The following SEMA3E variants were observed in gnomAD, a reference collection of about 807,000 sequenced individuals.
SEMA3E encodes the protein semaphorin-3E.
A neutral mutation model predicts 93.6 loss-of-function variants in SEMA3E; 49 were observed. The observed-to-expected ratio is 0.52, with a 90% CI of 0.42 to 0.66. SEMA3E has a LOEUF of 0.66. SEMA3E is among the 30% of genes least tolerant of loss of function. SEMA3E has a pLI of 0.00. For missense variants in SEMA3E, 906 were observed against 964.8 expected (o/e 0.94, Z 0.81); for synonymous variants, 363 against 330.7 (o/e 1.10, Z -1.06).
Position 83,408,379 on chromosome 7 carries a change from C to G in SEMA3E, c.659G>C (p.Arg220Pro). ...TTCCTCATCCTTACCTTTCAACAGA[C>G]GCTCATCGTCATGCTCAGTGCGGAT... is the stretch of plus-strand genomic sequence containing the variant. Reference protein sequence around the residue: ...AHIRTEHDDERLLKEPKFVGS... With the variant: ...AHIRTEHDDEPLLKEPKFVGS... The change falls in exon 6 of 17, where the codon CGT becomes CCT. Residue 220 changes from arginine to proline, a missense_variant. Coordinates refer to ENST00000643230, the MANE Select transcript of SEMA3E (RefSeq NM_012431.3). The G allele has an allele frequency of 6.2e-7, 1 of 1,613,810 alleles. No individual in the cohort carries two copies. The highest frequency in any genetic ancestry group is 1.1e-5 in the South Asian group (1 of 91,078).
rs575712751 is a variant in SEMA3E, at chr7:83,396,685, T to C, written c.1411A>G (p.Met471Val). ...AGAATTACTTCTTCCATTGATTCCA[T>C]TTCTTGGTTGTAAATTGTGATTACT... ...LKVITIYNQE[M>V]ESMEEVILEE... is the part of the protein sequence containing the mutation. The change falls in exon 12 of 17, where the codon ATG becomes GTG. Residue 471 changes from methionine (M) to valine (V), a missense_variant. Physicochemically the swap from Met to Val is conservative, Grantham distance 21. Coordinates refer to ENST00000643230, the MANE Select transcript of SEMA3E (RefSeq NM_012431.3). 2 of 1,609,132 alleles carry C rather than the reference T, an allele frequency of 1.2e-6. No homozygotes were observed. Among genetic ancestry groups the C allele is most frequent in the Admixed American group, 3.3e-5 (2 of 59,874 alleles).
intron 1 of SEMA3E, among the ~76,000 whole-genome samples, chr7:83,519,405 T>A (rs1237197171): frequency 6.6e-6 from 1 of 152,184 alleles, no homozygotes; most frequent in East Asian, 1.9e-4. Context: ...TACATTGTTT[T>A]AGCATGACTC....
At chr7:83,440,075 TG>T (rs771264845) in intron 4 of SEMA3E, among the ~76,000 whole-genome samples, 2 of 152,184 alleles carry the variant, frequency 1.3e-5, no homozygotes, top group African/African-American at 4.8e-5. Flanking sequence ...AGATACAAAA[TG>T]TTTTTTTTCT....
At chr7:83,394,361 A>C in intron 12 of SEMA3E, 23 bp from the exon 13 acceptor site, 1 of 1,592,024 alleles carries the variant, frequency 6.3e-7, no homozygotes, top group Non-Finnish European at 8.6e-7. Context: ...AAAAGTTTTC[A>C]TTTTTAAGAA....
chr7:83,499,619 G>A (rs1287268789), intron 1 of SEMA3E, among the ~76,000 whole-genome samples: 1 of 152,058 alleles, frequency 6.6e-6, no homozygotes, highest in Non-Finnish European at 1.5e-5. Flanking sequence ...GAGAGATGAA[G>A]GAAACTGGGC....
chr7:83,545,565 A>AAAAAG (rs1562827000), intron 1 of SEMA3E, among the ~76,000 whole-genome samples: 3 of 106,788 alleles, frequency 2.8e-5, no homozygotes, highest in Admixed American at 9.8e-5. Flanking sequence ...AAAAAAAAAA[A>AAAAAG]AAAAGAAATA....
intron 1 of SEMA3E, among the ~76,000 whole-genome samples, chr7:83,543,628 T>G (rs1278236082): frequency 6.6e-6 from 1 of 152,080 alleles, no homozygotes; most frequent in South Asian, 2.1e-4. Context: ...CTAAGACAGC[T>G]CTATTGTAAC....
chr7:83,459,830 C>T (rs975053876), intron 4 of SEMA3E, among the ~76,000 whole-genome samples: 5 of 152,134 alleles, frequency 3.3e-5, no homozygotes, highest in African/African-American at 9.7e-5. Flanking sequence ...ATGGCTGGTC[C>T]TTGCCTTAAG....
chr7:83,570,777 A>C (rs1456226885), intron 1 of SEMA3E, among the ~76,000 whole-genome samples: 3 of 150,936 alleles, frequency 2.0e-5, no homozygotes, highest in African/African-American at 7.4e-5. Flanking sequence ...GAAAGAATTA[A>C]CAATATTGAT....
At position 83,367,570 on chromosome 7, in the gene SEMA3E, A is replaced by G; in HGVS notation, c.*16T>C. ...AAATATAAATTCTTCAAAAGACAGT[A>G]GATAGTCTCACCCCATCAGGAGTCC... is the stretch of plus-strand genomic sequence containing the variant. On this transcript the variant is annotated 3_prime_UTR_variant, in exon 17 of 17. Transcript: ENST00000643230. 1 of 1,611,750 alleles carries G rather than the reference A, an allele frequency of 6.2e-7. No individual in the cohort carries two copies. Among genetic ancestry groups the G allele is most frequent in the Non-Finnish European group, 8.5e-7 (1 of 1,177,896 alleles).
intron 1 of SEMA3E, among the ~76,000 whole-genome samples, chr7:83,587,432 T>C (rs1792653704): frequency 6.6e-6 from 1 of 152,110 alleles, no homozygotes. Flanking sequence ...TTGCAAAGCA[T>C]AAAAAAAGTT....
Position 83,484,843 on chromosome 7 carries a change from ATAT to A in SEMA3E, c.276+5268_276+5270del, listed in dbSNP as rs531182643. On this transcript the variant is annotated intron_variant, in intron 2 of 16. Coordinates refer to ENST00000643230, the MANE Select transcript of SEMA3E (RefSeq NM_012431.3). ...ATAAAGCTAAGAATAATTAAAAATA[ATAT>A]TATAGTTGCTAAGATAGAGAGGTAT... Among the ~76,000 whole-genome samples, 249 of 152,300 alleles carry A rather than the reference ATAT, an allele frequency of 1.6e-3. 2 individuals carry two copies. The highest frequency in any genetic ancestry group is 5.7e-3 in the African/African-American group (235 of 41,562).
At chr7:83,578,791 A>G (rs1033067563) in intron 1 of SEMA3E, among the ~76,000 whole-genome samples, 1 of 152,196 alleles carries the variant, frequency 6.6e-6, no homozygotes, top group Non-Finnish European at 1.5e-5. Context: ...AGGACTTACT[A>G]TAATAAAAAT....
chr7:83,634,134 T>G (rs1793836610), intron 1 of SEMA3E, among the ~76,000 whole-genome samples: 1 of 152,154 alleles, frequency 6.6e-6, no homozygotes, highest in Non-Finnish European at 1.5e-5. Context: ...ACTATTACTA[T>G]TTGTTGACTA....
intron 1 of SEMA3E, among the ~76,000 whole-genome samples, chr7:83,602,177 T>C (rs1793010566): frequency 6.6e-6 from 1 of 152,154 alleles, no homozygotes; most frequent in Non-Finnish European, 1.5e-5. Context: ...AGTTTCAGGA[T>C]AGGAGTAATG....
intron 1 of SEMA3E, among the ~76,000 whole-genome samples, chr7:83,491,250 G>A (rs1790375961): frequency 6.6e-6 from 1 of 152,054 alleles, no homozygotes; most frequent in Non-Finnish European, 1.5e-5. Context: ...TGAGAAAGAA[G>A]AGCTGAAGTA....
intron 5 of SEMA3E, among the ~76,000 whole-genome samples, chr7:83,409,082 T>C (rs1177751836): frequency 6.6e-6 from 1 of 152,138 alleles, no homozygotes; most frequent in East Asian, 1.9e-4. Context: ...TAAAAAGCGC[T>C]CAAAATTTAA....
chr7:83,510,831 G>A (rs1238206154), intron 1 of SEMA3E, among the ~76,000 whole-genome samples: 2 of 152,194 alleles, frequency 1.3e-5, no homozygotes, highest in Non-Finnish European at 2.9e-5. Context: ...GTTGACATTT[G>A]GTGAAATGTC....
At chr7:83,524,434 A>T (rs967511136) in intron 1 of SEMA3E, among the ~76,000 whole-genome samples, 3 of 152,136 alleles carry the variant, frequency 2.0e-5, no homozygotes, top group African/African-American at 7.2e-5. Context: ...AGAAATTCCA[A>T]ATAGTTTCAT....
Sources: gnomAD v4.1 joint callset for allele counts (sites outside exome capture counted in the v4.1 genomes callset) on GRCh38, gnomAD v4.1.1 for gene constraint, MANE v1.5 for transcripts, NCBI Gene and HGNC (gene_info 2026-07-23, HGNC 2026-07-21) for gene names.